Variants in LRRC4C observed in about 807,000 individuals in gnomAD.
The protein encoded by LRRC4C is leucine rich repeat containing 4C, also known as leucine-rich repeat-containing protein 4C.
A neutral mutation model predicts 33.6 loss-of-function variants in LRRC4C; 5 were observed. That is an observed-to-expected ratio of 0.15 (90% CI 0.08 to 0.31). The LOEUF is 0.31. Among genes scored for constraint, LRRC4C ranks in the 10% least tolerant of loss-of-function variants. The pLI is 1.00. For synonymous variants in LRRC4C, 329 were observed against 302.0 expected, an observed-to-expected ratio of 1.09 and a Z score of -0.93; for missense variants, 560 against 796.7, an observed-to-expected ratio of 0.70 and a Z score of 3.58.
At chr11:40,329,742 T>C (rs77745825) in intron 3 of LRRC4C, among the ~76,000 whole-genome samples, 1 of 119,502 alleles carries the variant, frequency 8.4e-6, no homozygotes, top group African/African-American at 2.7e-5. Context: ...TTTTTCTTTT[T>C]TTTTTTTTTT....
intron 2 of LRRC4C, among the ~76,000 whole-genome samples, chr11:40,869,000 A>G (rs1248116896): frequency 6.6e-6 from 1 of 152,080 alleles, no homozygotes; most frequent in African/African-American, 2.4e-5. Flanking sequence ...CATTAGGATG[A>G]CCCTTAATAG....
intron 3 of LRRC4C, among the ~76,000 whole-genome samples, chr11:40,342,421 A>T (rs1009377539): frequency 1.3e-5 from 2 of 152,172 alleles, no homozygotes; most frequent in South Asian, 4.2e-4. Context: ...GTGAGCCGAG[A>T]TGGCACCACT....
At chr11:41,092,115 AAAT>A (rs1296684403) in intron 1 of LRRC4C, among the ~76,000 whole-genome samples, 3 of 152,136 alleles carry the variant, frequency 2.0e-5, no homozygotes, top group Admixed American at 6.6e-5. Flanking sequence ...TTGAATTATA[AAAT>A]AATTTTTATT....
chr11:41,009,032 A>G (rs529407012), intron 1 of LRRC4C, among the ~76,000 whole-genome samples: 1 of 152,050 alleles, frequency 6.6e-6, no homozygotes, highest in Admixed American at 6.6e-5. Flanking sequence ...ATGAAAGATA[A>G]CGCCAACTTT....
intron 3 of LRRC4C, among the ~76,000 whole-genome samples, chr11:40,518,487 C>T: frequency 6.6e-6 from 1 of 152,124 alleles, no homozygotes; most frequent in Non-Finnish European, 1.5e-5. Flanking sequence ...ATTTATGCAG[C>T]CAACAAACAT....
chr11:41,434,317 T>A (rs969943576), intron 1 of LRRC4C, among the ~76,000 whole-genome samples: 8 of 152,180 alleles, frequency 5.3e-5, no homozygotes, highest in Non-Finnish European at 1.2e-4. Flanking sequence ...TCTCTTTTTT[T>A]AATAGACTTT....
In LRRC4C at chr11:41,181,086, C is replaced by A. The variant is rs80325560; in HGVS notation, c.-495-247363G>T. ...GAAATATTAATAGCCACAGAATGAA[C>A]TGTTTTCTTATTCAGTGAGTGAAAT... On this transcript the variant is annotated intron_variant, in intron 1 of 6. Transcript: ENST00000528697. Among the ~76,000 whole-genome samples, 415 of 152,216 alleles carry A rather than the reference C, an allele frequency of 2.7e-3. 1 individual carries two copies. Among genetic ancestry groups the A allele is most frequent in the African/African-American group, 8.2e-3 (342 of 41,550 alleles).
chr11:41,044,178 A>T (rs1857620213), intron 1 of LRRC4C, among the ~76,000 whole-genome samples: 1 of 152,142 alleles, frequency 6.6e-6, no homozygotes, highest in African/African-American at 2.4e-5. Context: ...TATTGGTAGA[A>T]TTTTTTATAA....
chr11:40,543,389 G>A (rs1304423124), intron 3 of LRRC4C, among the ~76,000 whole-genome samples: 1 of 152,008 alleles, frequency 6.6e-6, no homozygotes, highest in Non-Finnish European at 1.5e-5. Flanking sequence ...TTTGTTATAT[G>A]CCAAACTATA....
At chr11:40,195,743 C>CAAA (rs34365679) in intron 5 of LRRC4C, among the ~76,000 whole-genome samples, 1 of 141,858 alleles carries the variant, frequency 7.0e-6, no homozygotes, top group African/African-American at 2.6e-5. Context: ...AGGTGATTGT[C>CAAA]AAAAAAAAAA....
chr11:40,654,364 A>G (rs1483002434), intron 2 of LRRC4C, among the ~76,000 whole-genome samples: 1 of 152,218 alleles, frequency 6.6e-6, no homozygotes, highest in Non-Finnish European at 1.5e-5. Context: ...CCACAGGTGC[A>G]GAGCTGCCCA....
chr11:40,708,248 C>T (rs927151908), intron 2 of LRRC4C, among the ~76,000 whole-genome samples: 5 of 152,002 alleles, frequency 3.3e-5, no homozygotes, highest in Non-Finnish European at 7.3e-5. Flanking sequence ...TTCTTGCCTT[C>T]TGCTAGCTTT....
At chr11:40,713,639 AAT>A (rs1946570772) in intron 2 of LRRC4C, among the ~76,000 whole-genome samples, 1 of 152,234 alleles carries the variant, frequency 6.6e-6, no homozygotes, top group African/African-American at 2.4e-5. Context: ...GTCAGGCTAT[AAT>A]AGAGTATTTT....
intron 2 of LRRC4C, among the ~76,000 whole-genome samples, chr11:40,804,193 T>C (rs1485494297): frequency 1.3e-5 from 2 of 152,192 alleles, no homozygotes; most frequent in Non-Finnish European, 2.9e-5. Context: ...TGCTTATAAA[T>C]GGAGTCTCAT....
intron 1 of LRRC4C, among the ~76,000 whole-genome samples, chr11:40,941,163 C>T (rs1055134519): frequency 2.0e-5 from 3 of 151,616 alleles, no homozygotes; most frequent in African/African-American, 7.3e-5. Context: ...TTTTTTGTTG[C>T]AATAAAAATA....
At chr11:40,560,442 T>G (rs1027217201) in intron 3 of LRRC4C, among the ~76,000 whole-genome samples, 3 of 149,314 alleles carry the variant, frequency 2.0e-5, no homozygotes, top group African/African-American at 4.9e-5. Flanking sequence ...GTGCCTGTGT[T>G]TGTGTGTGTG....
chr11:40,712,710 A>C, intron 2 of LRRC4C, among the ~76,000 whole-genome samples: 1 of 152,098 alleles, frequency 6.6e-6, no homozygotes, highest in East Asian at 1.9e-4. Flanking sequence ...ACCTTAAAAA[A>C]CCTTTACAAA....
chr11:41,231,557 A>G (rs1464376880), intron 1 of LRRC4C, among the ~76,000 whole-genome samples: 1 of 144,918 alleles, frequency 6.9e-6, no homozygotes, highest in Non-Finnish European at 1.5e-5. Context: ...ATAGGTGGGA[A>G]TTGAACAATG....
At chr11:40,415,391 C>T (rs746420548) in intron 3 of LRRC4C, among the ~76,000 whole-genome samples, 13 of 152,094 alleles carry the variant, frequency 8.5e-5, no homozygotes, top group East Asian at 7.7e-4. Context: ...CAATGGAACA[C>T]GTGCATGGGG....
Sources: allele counts gnomAD v4.1 joint callset (sites outside exome capture counted in the v4.1 genomes callset), GRCh38; gene constraint gnomAD v4.1.1; transcripts MANE v1.5; gene names NCBI Gene and HGNC (gene_info 2026-07-23, HGNC 2026-07-21).